RELL1: variants seen among roughly 807,000 people sequenced by gnomAD.
RELL1 encodes the protein RELT-like protein 1.
A neutral mutation model predicts 23.0 loss-of-function variants in RELL1; 10 were observed. The ratio of observed to expected loss-of-function variants is 0.43; its 90% confidence interval spans 0.27 to 0.74. The LOEUF is 0.74. Among genes scored for constraint, RELL1 ranks in the 30% least tolerant of loss-of-function variants. The probability of loss-of-function intolerance (pLI) is 0.19; values close to 1 mark genes in which losing one functional copy is unlikely to be tolerated. For synonymous variants in RELL1, 146 were observed against 146.8 expected (o/e 0.99, Z 0.04); for missense variants, 315 against 364.4 (o/e 0.86, Z 1.10).
chr4:37,639,208 C>T (rs78009569), intron 3 of RELL1, among the ~76,000 whole-genome samples: 2 of 151,884 alleles, frequency 1.3e-5, no homozygotes, highest in Non-Finnish European at 2.9e-5. Flanking sequence ...CACGGTGAAA[C>T]CCCATCTGTA....
At chr4:37,684,289 T>A (rs1196893145) in intron 1 of RELL1, among the ~76,000 whole-genome samples, 1 of 151,930 alleles carries the variant, frequency 6.6e-6, no homozygotes, top group Non-Finnish European at 1.5e-5. Context: ...TACTGGCAAA[T>A]TTGTGCTCTG....
intron 3 of RELL1, among the ~76,000 whole-genome samples, chr4:37,640,511 T>C (rs988950033): frequency 6.6e-6 from 1 of 152,196 alleles, no homozygotes; most frequent in Admixed American, 6.5e-5. Context: ...AATACAGTAG[T>C]CCTCAGTATC....
chr4:37,614,543 A>G (rs1719510097), intron 6 of RELL1, among the ~76,000 whole-genome samples: 1 of 152,168 alleles, frequency 6.6e-6, no homozygotes, highest in Non-Finnish European at 1.5e-5. Flanking sequence ...AGAACTGCAG[A>G]TTTTTACTGT....
At chr4:37,671,302 AATGAGGCTGAG>A in intron 1 of RELL1, among the ~76,000 whole-genome samples, 1 of 152,318 alleles carries the variant, frequency 6.6e-6, no homozygotes. Flanking sequence ...GGCTGGGTAA[AATGAGGCTGAG>A]ACCTACTGAG....
At chr4:37,632,431 A>C (rs1356272261) in intron 5 of RELL1, among the ~76,000 whole-genome samples, 1 of 152,114 alleles carries the variant, frequency 6.6e-6, no homozygotes, top group Non-Finnish European at 1.5e-5. Flanking sequence ...CAGCCTCCCA[A>C]AGTTTTGGGA....
chr4:37,635,615 G>A (rs1720299665), intron 4 of RELL1, among the ~76,000 whole-genome samples: 1 of 152,086 alleles, frequency 6.6e-6, no homozygotes, highest in Admixed American at 6.6e-5. Context: ...GACAGAGTGA[G>A]ACCTGTCTCT....
At chr4:37,625,979 A>G (rs1157959148) in intron 6 of RELL1, among the ~76,000 whole-genome samples, 2 of 152,156 alleles carry the variant, frequency 1.3e-5, no homozygotes, top group Non-Finnish European at 2.9e-5. Context: ...TGGCCAACAA[A>G]TATATGAAAA....
chr4:37,661,169 G>C (rs1298863965), intron 1 of RELL1, among the ~76,000 whole-genome samples: 1 of 152,148 alleles, frequency 6.6e-6, no homozygotes, highest in Non-Finnish European at 1.5e-5. Flanking sequence ...AGTCCACCTA[G>C]TAGCCTCTCA....
chr4:37,649,179 G>C (rs1364468366), intron 2 of RELL1, 97 bp downstream of exon 2: 1 of 999,000 alleles, frequency 1.0e-6, no homozygotes, highest in Non-Finnish European at 1.5e-6. Context: ...CACTAAAATG[G>C]ATCATTCTGC....
intron 1 of RELL1, among the ~76,000 whole-genome samples, chr4:37,685,392 A>G (rs1013668640): frequency 6.6e-6 from 1 of 152,136 alleles, no homozygotes; most frequent in African/African-American, 2.4e-5. Context: ...AAGCGGTGGT[A>G]AGGAATCCCT....
In RELL1 at chr4:37,604,848, C is replaced by T. The variant is rs1316751253; in HGVS notation, c.*4-13631G>A. 3.8e-3 allele frequency among the ~76,000 whole-genome samples: 341 copies of T among 90,868 alleles called. 12 individuals carry two copies. Among genetic ancestry groups the T allele is most frequent in the Middle Eastern group, 0.011 (2 of 180 alleles). 59.6% of individuals were successfully genotyped at this position (90,868 alleles called of 152,430 possible). A position where few individuals can be genotyped will look rare whatever the true frequency, so the allele number is the denominator to read the frequency against. On this transcript the variant is annotated intron_variant, in intron 6 of 6. Transcript: ENST00000314117. ...ACACACACATACACACAGACACACA[C>T]ACAGACACACACACACAGACACACA...
chr4:37,608,714 T>G (rs960453312), downstream of RELL1, among the ~76,000 whole-genome samples: 2 of 151,254 alleles, frequency 1.3e-5, no homozygotes, highest in Non-Finnish European at 1.5e-5. Context: ...GACTGCAATC[T>G]CTATCTCCCG....
At chr4:37,630,323 A>G (rs1360586488) in intron 6 of RELL1, among the ~76,000 whole-genome samples, 1 of 147,052 alleles carries the variant, frequency 6.8e-6, no homozygotes, top group Non-Finnish European at 1.5e-5. Flanking sequence ...GCCACTATCA[A>G]TTTATCACAG....
At chr4:37,605,805 A>G (rs868825323), downstream of RELL1, among the ~76,000 whole-genome samples, 1,600 of 107,664 alleles carry the variant, frequency 0.015, 46 homozygotes, top group African/African-American at 0.043. Flanking sequence ...GAAAGAAAGA[A>G]AGAAAGAAAG....
At chr4:37,682,775 T>G (rs1431483762) in intron 1 of RELL1, among the ~76,000 whole-genome samples, 2 of 152,200 alleles carry the variant, frequency 1.3e-5, no homozygotes, top group Non-Finnish European at 2.9e-5. Flanking sequence ...ATAAAGCTTA[T>G]CTTTAGTTTC....
At position 37,611,044 on chromosome 4, in the gene RELL1, CTT is replaced by C. The variant is rs1719357453; in HGVS notation, c.*2300_*2301del. 6.6e-6 allele frequency among the ~76,000 whole-genome samples: 1 copy of C among 152,162 alleles called. No individual in the cohort carries two copies. On this transcript the variant is annotated 3_prime_UTR_variant, in exon 7 of 7. Coordinates refer to ENST00000454158, the MANE Select transcript of RELL1 (RefSeq NM_001085400.2). ...TATTAGAAAATATTTAAAACATACT[CTT>C]GGTATCAATACAGTTTTAAATATTT...
chr4:37,614,506 C>CCTG (rs1221998478), intron 6 of RELL1, among the ~76,000 whole-genome samples: 6 of 152,036 alleles, frequency 3.9e-5, no homozygotes, highest in African/African-American at 1.4e-4. Flanking sequence ...TACGTAATAC[C>CCTG]CTGCACTGAA....
At chr4:37,605,842 A>AGAAAGAAG (rs1560324772), downstream of RELL1, among the ~76,000 whole-genome samples, 6 of 117,598 alleles carry the variant, frequency 5.1e-5, no homozygotes, top group South Asian at 2.8e-4. Flanking sequence ...AAAGAAAGAA[A>AGAAAGAAG]GAAGGAAAAG....
chr4:37,633,044 AC>A (rs1165759617), intron 5 of RELL1, among the ~76,000 whole-genome samples: 1 of 152,192 alleles, frequency 6.6e-6, no homozygotes, highest in African/African-American at 2.4e-5. Flanking sequence ...ATGCTGAAAA[AC>A]AGCCTGGAAT....
Sources: gnomAD v4.1 joint callset for allele counts (sites outside exome capture counted in the v4.1 genomes callset) on GRCh38, gnomAD v4.1.1 for gene constraint, MANE v1.5 for transcripts, NCBI Gene and HGNC (gene_info 2026-07-23, HGNC 2026-07-21) for gene names.